Variants in HOXA13 observed in about 807,000 individuals in gnomAD.
HOXA13 encodes the protein homeobox protein Hox-A13.
HOXA13 carries 5 observed loss-of-function variants against 25.7 expected under a neutral mutation model. That is an observed-to-expected ratio of 0.19 (90% CI 0.10 to 0.41). HOXA13 has a LOEUF of 0.41. Among genes scored for constraint, HOXA13 ranks in the 10% least tolerant of loss-of-function variants. The pLI, the probability that HOXA13 is intolerant of heterozygous loss-of-function variation, is 1.00. For synonymous variants in HOXA13, 284 were observed against 241.1 expected (o/e 1.18, Z -1.65); for missense variants, 557 against 533.5 (o/e 1.04, Z -0.43).
chr7:27,195,041 T>A lies in HOXA13; in HGVS notation c.*3157A>T, dbSNP rs1482619402. 1 of 152,174 alleles carries A rather than the reference T, an allele frequency of 6.6e-6. No individual in the cohort carries two copies. The highest frequency in any genetic ancestry group is 2.4e-5 in the African/African-American group (1 of 41,436). 9.4% of individuals were successfully genotyped at this position (152,174 alleles called of 1,614,324 possible). A position where few individuals can be genotyped will look rare whatever the true frequency, so the allele number is the denominator to read the frequency against. On this transcript the variant is annotated 3_prime_UTR_variant, in exon 2 of 2. Transcript: ENST00000649031. ...GGCTTGATGGCAGCTCATTTGGAAA[T>A]GGAGTACTGTTTGGAACAAGAGGTG...
In HOXA13 at chr7:27,195,804, A is replaced by G. The variant is rs1783997498; in HGVS notation, c.*2394T>C. ...GTGGGTTTCTTAGACTTTCTGAAAC[A>G]TAACTCTAGAACTCTAGACTTAGCA... On this transcript the variant is annotated 3_prime_UTR_variant, in exon 2 of 2. Transcript: ENST00000649031. 1 of 152,224 alleles carries G rather than the reference A, an allele frequency of 6.6e-6. No homozygotes were observed. The highest frequency in any genetic ancestry group is 1.5e-5 in the Non-Finnish European group (1 of 68,040). The allele number at this position is 152,224 out of a possible 1,614,324, so 9.4% of individuals were successfully genotyped here.
chr7:27,195,386 A>G lies in HOXA13; in HGVS notation c.*2812T>C, dbSNP rs1345000339. 1 of 152,202 alleles carries G rather than the reference A, an allele frequency of 6.6e-6. No individual in the cohort carries two copies. The highest frequency in any genetic ancestry group is 1.5e-5 in the Non-Finnish European group (1 of 68,044). 9.4% of individuals were successfully genotyped at this position (152,202 alleles called of 1,614,324 possible). The stretch of plus-strand genomic sequence containing the variant: ...AGATAAAATTAGCCTGCATCTCACA[A>G]TTCTGCATCCCACGGCTACTGATTC... On this transcript the variant is annotated 3_prime_UTR_variant, in exon 2 of 2. Coordinates refer to ENST00000649031, the MANE Select transcript of HOXA13 (RefSeq NM_000522.5).
chr7:27,198,207 G>A lies in HOXA13; in HGVS notation c.1158C>T (p.Thr386=), dbSNP rs1472296733. The A allele has an allele frequency of 1.2e-6, 2 of 1,614,104 alleles. No homozygotes were observed. Among genetic ancestry groups the A allele is most frequent in the East Asian group, 4.5e-5 (2 of 44,882 alleles). The stretch of plus-strand genomic sequence containing the variant: ...CTCTATTTTTAATCCATTAACTAGT[G>A]GTTTTCAGTTTGTTGATGACTTTTT... ...KEKKVINKLK[T]TS The change falls in exon 2 of 2, where the codon ACC becomes ACT. Residue 386 remains threonine, a synonymous_variant. Transcript: ENST00000649031.
In HOXA13 at chr7:27,198,378, A is replaced by G. The variant is rs1313753548; in HGVS notation, c.987T>C (p.Tyr329=). 3 of 1,614,186 alleles carry G rather than the reference A, an allele frequency of 1.9e-6. No individual in the cohort carries two copies. The highest frequency in any genetic ancestry group is 1.1e-5 in the South Asian group (1 of 91,088). ...YRRGRKKRVP[Y]TKVQLKELER... ...CAAGTTCTTTTAATTGCACCTTGGT[A>G]TAAGGCACGCGCTTCTTTCTCCCCC... is the stretch of plus-strand genomic sequence containing the variant. The change falls in exon 2 of 2, where the codon TAT becomes TAC. Residue 329 remains tyrosine (Y), a synonymous_variant. Coordinates refer to ENST00000649031, the MANE Select transcript of HOXA13 (RefSeq NM_000522.5).
Position 27,199,732 on chromosome 7 carries a change from C to A in HOXA13, c.346G>T (p.Ala116Ser). 2 of 996,292 alleles carry A rather than the reference C, an allele frequency of 2.0e-6. No homozygotes were observed. The highest frequency in any genetic ancestry group is 2.4e-6 in the Non-Finnish European group (2 of 839,028). 61.7% of individuals were successfully genotyped at this position (996,292 alleles called of 1,614,324 possible). The change falls in exon 1 of 2, where the codon GCT becomes TCT. Residue 116 changes from alanine to serine, a missense_variant. By Grantham distance (99) the Ala-to-Ser change is moderately conservative. Coordinates refer to ENST00000649031, the MANE Select transcript of HOXA13 (RefSeq NM_000522.5). ...GCAGCCGCGGCAGCAGCGGCGGCAG[C>A]CGACGGGGGCGCCTCCCCGGGGGCG... ...SSAPGEAPPS[A>S]AAAAAAAAAA...
At position 27,198,142 on chromosome 7, in the gene HOXA13, AGCAAC is replaced by A; in HGVS notation, c.*51_*55del. 1.3e-6 allele frequency: 2 copies of A among 1,590,692 alleles called. No individual in the cohort carries two copies. ...AGCATTATTATCATTATCTGGGCAA[AGCAAC>A]GAGTTCTGAAGCGTTTCTTCAAGTT... On this transcript the variant is annotated 3_prime_UTR_variant, in exon 2 of 2. Coordinates refer to ENST00000649031, the MANE Select transcript of HOXA13 (RefSeq NM_000522.5).
At position 27,196,929 on chromosome 7, in the gene HOXA13, G is replaced by A. The variant is rs1210147552; in HGVS notation, c.*1269C>T. ...TAATATTACGATATCACTATCTACA[G>A]GTCTAAGGGTTTTTTTTTTTCATTT... On this transcript the variant is annotated 3_prime_UTR_variant, in exon 2 of 2. Transcript: ENST00000649031. 6 of 85,792 alleles carry A rather than the reference G, an allele frequency of 7.0e-5. No individual in the cohort carries two copies. The highest frequency in any genetic ancestry group is 1.1e-4 in the Non-Finnish European group (5 of 45,116). The allele number at this position is 85,792 out of a possible 1,614,324, so 5.3% of individuals were successfully genotyped here. A position where few individuals can be genotyped will look rare whatever the true frequency, so the allele number is the denominator to read the frequency against.
At position 27,197,417 on chromosome 7, in the gene HOXA13, A is replaced by G. The variant is rs1784016564; in HGVS notation, c.*781T>C. 1 of 211,640 alleles carries G rather than the reference A, an allele frequency of 4.7e-6. No homozygotes were observed. Among genetic ancestry groups the G allele is most frequent in the Admixed American group, 5.9e-5 (1 of 17,002 alleles). The allele number at this position is 211,640 out of a possible 1,614,324, so 13.1% of individuals were successfully genotyped here. A position where few individuals can be genotyped will look rare whatever the true frequency, so the allele number is the denominator to read the frequency against. ...CATCTGATGATGTAAACATTTTCAA[A>G]AAGATACAAAATCCTTTGGAAAATA... On this transcript the variant is annotated 3_prime_UTR_variant, in exon 2 of 2. Coordinates refer to ENST00000649031, the MANE Select transcript of HOXA13 (RefSeq NM_000522.5).
In HOXA13 at chr7:27,195,452, CA is replaced by C. The variant is rs2115469429; in HGVS notation, c.*2745del. On this transcript the variant is annotated 3_prime_UTR_variant, in exon 2 of 2. Coordinates refer to ENST00000649031, the MANE Select transcript of HOXA13 (RefSeq NM_000522.5). The stretch of plus-strand genomic sequence containing the variant: ...ACATATGCGCATAGCATAGATTTGA[CA>C]AAAACACATTATCCTATGTGTATAT... 1 of 152,288 alleles carries C rather than the reference CA, an allele frequency of 6.6e-6. No individual in the cohort carries two copies. The highest frequency in any genetic ancestry group is 1.9e-4 in the East Asian group (1 of 5,186). The allele number at this position is 152,288 out of a possible 1,614,324, so 9.4% of individuals were successfully genotyped here. A position where few individuals can be genotyped will look rare whatever the true frequency, so the allele number is the denominator to read the frequency against.
chr7:27,199,073 G>A (rs554794886), intron 1 of HOXA13, 83 bp downstream of exon 1: 10 of 1,384,224 alleles, frequency 7.2e-6, no homozygotes, highest in East Asian at 2.3e-5. Flanking sequence ...GAACAGAAAC[G>A]CACCCGGGAT....
chr7:27,198,767 T>C (rs1355505178), intron 1 of HOXA13: 1 of 508,376 alleles, frequency 2.0e-6, no homozygotes, highest in Non-Finnish European at 3.5e-6. Flanking sequence ...GCCTGCCTCC[T>C]TTCTGGGTGC....
rs1002570235 is a variant in HOXA13, at chr7:27,194,522, T to C, written c.*3676A>G. The C allele has an allele frequency of 6.6e-6, 1 of 152,086 alleles. No homozygotes were observed. The highest frequency in any genetic ancestry group is 1.5e-5 in the Non-Finnish European group (1 of 68,022). The allele number at this position is 152,086 out of a possible 1,614,324, so 9.4% of individuals were successfully genotyped here. On this transcript the variant is annotated 3_prime_UTR_variant, in exon 2 of 2. Transcript: ENST00000649031. ...AGGTGGCTGGTCTCTCCTTGATTTTTGTTTTTGTTTTTGTTTTTGTTTTAA... is the reference window on the plus strand; with the variant it reads ...AGGTGGCTGGTCTCTCCTTGATTTTCGTTTTTGTTTTTGTTTTTGTTTTAA...
chr7:27,199,994 G>T lies in HOXA13; in HGVS notation c.84C>A (p.Ala28=). ...CTTCCATGTTCTTGTTGAGCTCGTC[G>T]GCCACCAGGCCGCCGCCGTTGTCGT... ...FLYDNGGGLV[A]DELNKNMEGA... Residue 28 remains alanine, a synonymous_variant, in exon 1 of 2, where the codon GCC becomes GCA. Transcript: ENST00000649031. The T allele has an allele frequency of 6.8e-7, 1 of 1,479,704 alleles. No homozygotes were observed. The highest frequency in any genetic ancestry group is 9.1e-7 in the Non-Finnish European group (1 of 1,102,626). The allele number at this position is 1,479,704 out of a possible 1,614,324, so 91.7% of individuals were successfully genotyped here. A position where few individuals can be genotyped will look rare whatever the true frequency, so the allele number is the denominator to read the frequency against.
Position 27,197,939 on chromosome 7 carries a change from G to T in HOXA13, c.*259C>A, listed in dbSNP as rs1784024006. 5 of 529,464 alleles carry T rather than the reference G, an allele frequency of 9.4e-6. No homozygotes were observed. Among genetic ancestry groups the T allele is most frequent in the South Asian group, 8.6e-5 (4 of 46,398 alleles). The allele number at this position is 529,464 out of a possible 1,614,324, so 32.8% of individuals were successfully genotyped here. A position where few individuals can be genotyped will look rare whatever the true frequency, so the allele number is the denominator to read the frequency against. On this transcript the variant is annotated 3_prime_UTR_variant, in exon 2 of 2. Transcript: ENST00000649031. ...TTATCTGAAATTGCGTATTTTGGGGGTTGACGTTTGACATTTAACGGGCTG... is the reference window on the plus strand; with the variant it reads ...TTATCTGAAATTGCGTATTTTGGGGTTTGACGTTTGACATTTAACGGGCTG...
In HOXA13 at chr7:27,199,339, G is replaced by C. The variant is rs748927557; in HGVS notation, c.739C>G (p.Pro247Ala). 6.2e-7 allele frequency: 1 copy of C among 1,614,130 alleles called. No homozygotes were observed. Among genetic ancestry groups the C allele is most frequent in the Non-Finnish European group, 8.5e-7 (1 of 1,180,008 alleles). ...AGPYHHHQPMPGYLDMPVVPG... is the reference protein window; with the variant it reads ...AGPYHHHQPMAGYLDMPVVPG... ...ACCACTGGCATATCCAGGTAGCCAG[G>C]CATGGGCTGATGGTGGTGGTAAGGC... Residue 247 changes from proline to alanine, a missense_variant, in exon 1 of 2, where the codon CCT (proline) becomes GCT (alanine). Pro to Ala is a conservative substitution (Grantham distance 27, BLOSUM62 -1). Coordinates refer to ENST00000649031, the MANE Select transcript of HOXA13 (RefSeq NM_000522.5).
Position 27,199,553 on chromosome 7 carries a change from G to A in HOXA13, c.525C>T (p.Gly175=). 1 of 1,566,222 alleles carries A rather than the reference G, an allele frequency of 6.4e-7. No homozygotes were observed. The highest frequency in any genetic ancestry group is 8.6e-7 in the Non-Finnish European group (1 of 1,157,534). Residue 175 remains glycine, a synonymous_variant, in exon 1 of 2, where the codon GGC becomes GGT. Transcript: ENST00000649031. ...TGCGGGCGCACGGGTAGTAGCCGCTGCCGAAGTAGCCATAGGGCAGCGCCG... is the reference window on the plus strand; with the variant it reads ...TGCGGGCGCACGGGTAGTAGCCGCTACCGAAGTAGCCATAGGGCAGCGCCG... ...GPAALPYGYF[G]SGYYPCARMG... is the part of the protein sequence containing the mutation.
chr7:27,199,501 A>T lies in HOXA13; in HGVS notation c.577T>A (p.Ser193Thr). ...GCGGCCGAGGCGGGCTGCGCGCACG[A>T]CTTGATGGCGTTGGGGTGCGGGCCC... ...RMGPHPNAIK[S>T]CAQPASAAAA... Residue 193 changes from serine to threonine, a missense_variant, in exon 1 of 2, where the codon TCG (serine) becomes ACG (threonine). By Grantham distance (58) the Ser-to-Thr change is moderately conservative. Coordinates refer to ENST00000649031, the MANE Select transcript of HOXA13 (RefSeq NM_000522.5). 1 of 1,603,340 alleles carries T rather than the reference A, an allele frequency of 6.2e-7. No homozygotes were observed. The highest frequency in any genetic ancestry group is 8.5e-7 in the Non-Finnish European group (1 of 1,176,386).
Position 27,199,578 on chromosome 7 carries a change from G to T in HOXA13, c.500C>A (p.Ala167Glu). 6.5e-7 allele frequency: 1 copy of T among 1,531,752 alleles called. No homozygotes were observed. The allele number at this position is 1,531,752 out of a possible 1,614,324, so 94.9% of individuals were successfully genotyped here. A position where few individuals can be genotyped will look rare whatever the true frequency, so the allele number is the denominator to read the frequency against. Residue 167 changes from alanine to glutamate, a missense_variant, in exon 1 of 2, where the codon GCG becomes GAG. By Grantham distance (107) the Ala-to-Glu change is moderately radical. Coordinates refer to ENST00000649031, the MANE Select transcript of HOXA13 (RefSeq NM_000522.5). The part of the protein sequence containing the change: ...SAAAQSSSGP[A>E]ALPYGYFGSG... ...GCCGAAGTAGCCATAGGGCAGCGCCGCGGGCCCCGACGAGCTCTGCGCCGC... is the reference window on the plus strand; with the variant it reads ...GCCGAAGTAGCCATAGGGCAGCGCCTCGGGCCCCGACGAGCTCTGCGCCGC...
rs1483232298 is a variant in HOXA13 at position 27,199,178 on chromosome 7, G to A, written c.900C>T (p.His300=). The A allele has an allele frequency of 2.5e-6, 4 of 1,612,252 alleles. No individual in the cohort carries two copies. In the African/African-American group the frequency reaches 5.3e-5, roughly 22 times the overall value. ...TACCGGGCAGAGTGGACTTCCAGAG[G>A]TGGGGAGGCTGCGCCTGCTCTTTGG... ...YCPKEQAQPP[H]LWKSTLPDVV... The change falls in exon 1 of 2, where the codon CAC becomes CAT. Residue 300 remains histidine (H), a synonymous_variant. Transcript: ENST00000649031.
Sources: gnomAD v4.1 joint callset for allele counts on GRCh38, gnomAD v4.1.1 for gene constraint, MANE v1.5 for transcripts, NCBI Gene and HGNC (gene_info 2026-07-23, HGNC 2026-07-21) for gene names.